ZNF678: variants seen among roughly 807,000 people sequenced by gnomAD.
ZNF678 encodes the protein zinc finger protein 678.
ZNF678 carries 5 observed loss-of-function variants against 3.0 expected under a neutral mutation model. That is an observed-to-expected ratio of 1.69 (90% CI 0.88 to 3.56). ZNF678 has a LOEUF of 3.56. Among genes scored for constraint, ZNF678 ranks in the 30% most tolerant of loss-of-function variants. The probability of loss-of-function intolerance (pLI) is 0.00; values close to 1 mark genes in which losing one functional copy is unlikely to be tolerated. For synonymous variants in ZNF678, 218 were observed against 199.6 expected (o/e 1.09, Z -0.78); for missense variants, 593 against 605.0 (o/e 0.98, Z 0.21).
In ZNF678 at chr1:227,661,307, TG is replaced by T. The variant is rs1430457477; in HGVS notation, c.*5480del. 4.6e-5 allele frequency: 7 copies of T among 151,986 alleles called. No homozygotes were observed. The highest frequency in any genetic ancestry group is 1.5e-4 in the African/African-American group (6 of 41,374). The allele number at this position is 151,986 out of a possible 1,614,324, so 9.4% of individuals were successfully genotyped here. The stretch of plus-strand genomic sequence containing the variant: ...TTTTGTTTTGTTTTGTTTTTGTTGT[TG>T]TTGTTGTTGTTGTTTACCAGCAGGG... On this transcript the variant is annotated 3_prime_UTR_variant, in exon 4 of 4. Coordinates refer to ENST00000343776, the MANE Select transcript of ZNF678 (RefSeq NM_001367909.1).
chr1:227,581,428 G>A (rs565050769), intron 1 of ZNF678, among the ~76,000 whole-genome samples: 3 of 152,274 alleles, frequency 2.0e-5, no homozygotes, highest in African/African-American at 7.2e-5. Context: ...TAGAAATCTA[G>A]ATGCCCTCTT....
chr1:227,657,815 A>G lies in ZNF678; in HGVS notation c.*1987A>G, dbSNP rs1018610661. On this transcript the variant is annotated 3_prime_UTR_variant, in exon 4 of 4. Transcript: ENST00000343776. ...TAAAAAGTATTGGTAATTTACTAGC[A>G]AACTAGGAATCTCAAAGATTCTGAA... 57 of 152,184 alleles carry G rather than the reference A, an allele frequency of 3.7e-4. No individual in the cohort carries two copies. Among genetic ancestry groups the G allele is most frequent in the African/African-American group, 1.3e-3 (53 of 41,568 alleles). The allele number at this position is 152,184 out of a possible 1,614,324, so 9.4% of individuals were successfully genotyped here.
rs149909766 is a variant in ZNF678 at position 227,627,664 on chromosome 1, A to G, written c.-163-18880A>G. The stretch of plus-strand genomic sequence containing the variant: ...TGGAGGACTAGGTAAGCATACTTGG[A>G]GTCTGTATATATATTTACTCCTTTT... On this transcript the variant is annotated intron_variant, in intron 1 of 3. Coordinates refer to ENST00000343776, the MANE Select transcript of ZNF678 (RefSeq NM_001367909.1). Among the ~76,000 whole-genome samples, 609 of 152,124 alleles carry G rather than the reference A, an allele frequency of 4.0e-3. 4 individuals carry two copies. Among genetic ancestry groups the G allele is most frequent in the African/African-American group, 0.014 (561 of 41,516 alleles).
intron 1 of ZNF678, among the ~76,000 whole-genome samples, chr1:227,610,998 G>T (rs1658003418): frequency 6.6e-6 from 1 of 152,234 alleles, no homozygotes; most frequent in African/African-American, 2.4e-5. Context: ...CATCTTGGAA[G>T]AAGTTCAGAA....
chr1:227,596,250 C>G (rs1380046170), intron 1 of ZNF678, among the ~76,000 whole-genome samples: 1 of 152,194 alleles, frequency 6.6e-6, no homozygotes, highest in Non-Finnish European at 1.5e-5. Context: ...ACCTCACTTC[C>G]CAGTCAGGGA....
chr1:227,568,444 G>C (rs1326609201), intron 1 of ZNF678, among the ~76,000 whole-genome samples: 3 of 152,106 alleles, frequency 2.0e-5, no homozygotes, highest in Admixed American at 2.0e-4. Context: ...AAAATGAGAA[G>C]AGTGTTTCTT....
chr1:227,627,943 A>G (rs1193234341), intron 1 of ZNF678, among the ~76,000 whole-genome samples: 4 of 152,252 alleles, frequency 2.6e-5, no homozygotes, highest in East Asian at 1.9e-4. Context: ...GTTATGTTCT[A>G]TCTTTTCTTC....
chr1:227,624,146 T>G (rs895274515), intron 1 of ZNF678, among the ~76,000 whole-genome samples: 2 of 152,222 alleles, frequency 1.3e-5, no homozygotes, highest in Non-Finnish European at 2.9e-5. Context: ...GACAATGCTC[T>G]TTCTACAGTC....
intron 1 of ZNF678, among the ~76,000 whole-genome samples, chr1:227,596,682 T>A (rs1367674192): frequency 6.6e-6 from 1 of 151,318 alleles, no homozygotes; most frequent in African/African-American, 2.5e-5. Context: ...TTATTTCTGC[T>A]GAATTCTTTA....
At position 227,654,652 on chromosome 1, in the gene ZNF678, C is replaced by T. The variant is rs1310558632; in HGVS notation, c.402C>T (p.Phe134=). 5 of 1,607,248 alleles carry T rather than the reference C, an allele frequency of 3.1e-6. No individual in the cohort carries two copies. In the African/African-American group the frequency reaches 5.4e-5, roughly 17 times the overall value. The change falls in exon 4 of 4, where the codon TTC becomes TTT. Residue 134 remains phenylalanine (F), a synonymous_variant. Transcript: ENST00000343776. ...AATGTGAAGAATGTGGCAAAGTTTT[C>T]AATCGATGTTCAAACCTAACAAAAC... The part of the protein sequence containing the change: ...PYKCEECGKV[F]NRCSNLTKHK...
At chr1:227,582,513 G>C (rs1344893493) in intron 1 of ZNF678, 1 of 65,476 alleles carries the variant, frequency 1.5e-5, no homozygotes. Context: ...TTTTTTTGTA[G>C]AGACGCATTC....
At chr1:227,614,541 C>G (rs544227166) in intron 1 of ZNF678, among the ~76,000 whole-genome samples, 3 of 152,322 alleles carry the variant, frequency 2.0e-5, no homozygotes, top group East Asian at 1.9e-4. Context: ...TTTCTTCCAA[C>G]AAATGGCAAA....
intron 1 of ZNF678, among the ~76,000 whole-genome samples, chr1:227,596,727 C>T (rs1657599377): frequency 6.6e-6 from 1 of 152,160 alleles, no homozygotes; most frequent in Non-Finnish European, 1.5e-5. Context: ...AATTCATTTT[C>T]ATTTTACATT....
chr1:227,579,558 G>T (rs1295249261), intron 1 of ZNF678, among the ~76,000 whole-genome samples: 1 of 152,138 alleles, frequency 6.6e-6, no homozygotes, highest in Non-Finnish European at 1.5e-5. Context: ...AAGTGATGTG[G>T]GAAGTTACCA....
intron 1 of ZNF678, among the ~76,000 whole-genome samples, chr1:227,601,094 C>G (rs1429886248): frequency 6.6e-6 from 1 of 152,064 alleles, no homozygotes; most frequent in Non-Finnish European, 1.5e-5. Context: ...TGTCTGGGCT[C>G]TCTATGCTGT....
At chr1:227,622,640 G>T (rs1658307907) in intron 1 of ZNF678, among the ~76,000 whole-genome samples, 1 of 151,986 alleles carries the variant, frequency 6.6e-6, no homozygotes. Flanking sequence ...AGTTTTATTT[G>T]TATGCCTTTA....
chr1:227,566,310 C>T (rs760864460), intron 1 of ZNF678, among the ~76,000 whole-genome samples: 2 of 152,224 alleles, frequency 1.3e-5, no homozygotes, highest in African/African-American at 4.8e-5. Context: ...CCCCAACCCC[C>T]AATTTCATTG....
intron 1 of ZNF678, among the ~76,000 whole-genome samples, chr1:227,631,108 T>C (rs1431803185): frequency 6.6e-6 from 1 of 152,132 alleles, no homozygotes; most frequent in Non-Finnish European, 1.5e-5. Context: ...GAATACATCT[T>C]AGGGGCGTTT....
At chr1:227,627,266 A>G (rs557859868) in intron 1 of ZNF678, among the ~76,000 whole-genome samples, 2 of 152,158 alleles carry the variant, frequency 1.3e-5, no homozygotes, top group African/African-American at 4.8e-5. Flanking sequence ...AGCTGCAGGC[A>G]AAAGTATTTT....
Sources: gnomAD v4.1 joint callset for allele counts (sites outside exome capture counted in the v4.1 genomes callset) on GRCh38, gnomAD v4.1.1 for gene constraint, MANE v1.5 for transcripts, NCBI Gene and HGNC (gene_info 2026-07-23, HGNC 2026-07-21) for gene names.